The following RHOD variants were observed in gnomAD, a reference collection of about 807,000 sequenced individuals.
RHOD encodes the protein rho-related GTP-binding protein RhoD.
In RHOD, 11 loss-of-function variants were observed where a neutral mutation model predicts 16.7. The ratio of observed to expected loss-of-function variants is 0.66; its 90% CI spans 0.41 to 1.09. The LOEUF (loss-of-function observed/expected upper bound fraction) is 1.09. Among genes scored for constraint, RHOD ranks in the 50% least tolerant of loss-of-function variants. The pLI, the probability that RHOD is intolerant of heterozygous loss-of-function variation, is 0.00. For synonymous variants in RHOD, 124 were observed against 126.3 expected (o/e 0.98, Z 0.12); for missense variants, 271 against 291.7 (o/e 0.93, Z 0.52).
intron 4 of RHOD, 110 bp from the exon 5 acceptor site, chr11:67,071,325 A>G (rs534208716): frequency 3.8e-6 from 4 of 1,063,060 alleles, no homozygotes; most frequent in South Asian, 1.9e-5. Flanking sequence ...TACGGGAGCC[A>G]TGGGTGCTCC....
At chr11:67,071,128 T>C (rs532586662) in intron 4 of RHOD, among the ~76,000 whole-genome samples, 1 of 152,140 alleles carries the variant, frequency 6.6e-6, no homozygotes, top group South Asian at 2.1e-4. Context: ...TCCTAGCTAC[T>C]CTGGAGGCAG....
chr11:67,066,790 C>T lies in RHOD; in HGVS notation c.273C>T (p.Val91=). The change falls in exon 3 of 5, where the codon GTC becomes GTT. Residue 91 remains valine, a synonymous_variant. Coordinates refer to ENST00000308831, the MANE Select transcript of RHOD (RefSeq NM_014578.4). ...CCCTGTTCTACCCTGACGCCAGCGT[C>T]CTGCTGCTTTGCTTCGATGTCACCA... ...LRPLFYPDAS[V]LLLCFDVTSP... is the part of the protein sequence containing the mutation. 1 of 1,614,136 alleles carries T rather than the reference C, an allele frequency of 6.2e-7. No homozygotes were observed. Among genetic ancestry groups the T allele is most frequent in the East Asian group, 2.2e-5 (1 of 44,872 alleles).
chr11:67,070,197 A>AGT (rs1252662379), intron 3 of RHOD: 8 of 622,656 alleles, frequency 1.3e-5, no homozygotes, highest in Non-Finnish European at 2.4e-5. Context: ...GCACCTGTAC[A>AGT]GTGGGATTGG....
Position 67,071,847 on chromosome 11 carries a change from C to G in RHOD, c.*245C>G. 2 of 437,616 alleles carry G rather than the reference C, an allele frequency of 4.6e-6. No individual in the cohort carries two copies. Among genetic ancestry groups the G allele is most frequent in the Non-Finnish European group, 8.0e-6 (2 of 249,548 alleles). The allele number at this position is 437,616 out of a possible 1,614,324, so 27.1% of individuals were successfully genotyped here. A position where few individuals can be genotyped will look rare whatever the true frequency, so the allele number is the denominator to read the frequency against. ...TCACTCGCTAACCCCTATGCCCGGT[C>G]CCGGACCGACATCCTGGAGCCGCCT... On this transcript the variant is annotated 3_prime_UTR_variant, in exon 5 of 5. Coordinates refer to ENST00000308831, the MANE Select transcript of RHOD (RefSeq NM_014578.4).
chr11:67,066,105 G>A (rs958047962), intron 2 of RHOD, 122 bp downstream of exon 2: 2 of 800,270 alleles, frequency 2.5e-6, no homozygotes, highest in South Asian at 1.7e-5. Context: ...GGACAGGTGT[G>A]GGCCAGGAGT....
At chr11:67,065,407 G>A (rs748663359) in intron 1 of RHOD, among the ~76,000 whole-genome samples, 1 of 152,050 alleles carries the variant, frequency 6.6e-6, no homozygotes, top group Non-Finnish European at 1.5e-5. Context: ...TTGAGACAGA[G>A]TCTTGCTCTG....
chr11:67,070,597 T>C (rs772811627), intron 4 of RHOD, 38 bp downstream of exon 4: 2 of 1,611,806 alleles, frequency 1.2e-6, no homozygotes, highest in Non-Finnish European at 1.7e-6. Context: ...TGGGGAGGAC[T>C]GAGTGAGGGG....
At chr11:67,065,575 G>T (rs1054824513) in intron 1 of RHOD, among the ~76,000 whole-genome samples, 2 of 152,058 alleles carry the variant, frequency 1.3e-5, no homozygotes, top group African/African-American at 2.4e-5. Context: ...CACCATGTTG[G>T]CCAGGCTGGT....
intron 3 of RHOD, among the ~76,000 whole-genome samples, chr11:67,067,586 C>T (rs1400819291): frequency 2.6e-5 from 4 of 152,158 alleles, no homozygotes; most frequent in Admixed American, 6.6e-5. Flanking sequence ...CAGGCTGCTC[C>T]GCCCATTCAT....
At chr11:67,060,534 G>A (rs1231063542) in intron 1 of RHOD, among the ~76,000 whole-genome samples, 5 of 152,218 alleles carry the variant, frequency 3.3e-5, no homozygotes, top group Non-Finnish European at 5.9e-5. Flanking sequence ...GCCCCTTTCT[G>A]TCTCCGGGAA....
intron 1 of RHOD, among the ~76,000 whole-genome samples, chr11:67,064,322 C>T (rs532450691): frequency 3.4e-5 from 5 of 146,408 alleles, no homozygotes; most frequent in Admixed American, 2.1e-4. Flanking sequence ...AGGAGAATGG[C>T]GTGAACCTGG....
chr11:67,064,147 C>G (rs1361595679), intron 1 of RHOD, among the ~76,000 whole-genome samples: 3 of 144,304 alleles, frequency 2.1e-5, no homozygotes, highest in Non-Finnish European at 3.0e-5. Flanking sequence ...TGGCTCACGC[C>G]TGTAATCCCA....
intron 1 of RHOD, 119 bp from the exon 2 acceptor site, chr11:67,065,777 T>A: frequency 4.6e-6 from 3 of 654,130 alleles, no homozygotes; most frequent in Non-Finnish European, 8.0e-6. Context: ...AGGAGGAGGC[T>A]TCTCACAAAC....
rs538019187 is a variant in RHOD at position 67,058,375 on chromosome 11, G to A, written c.132+1341G>A. Among the ~76,000 whole-genome samples, 26 of 152,204 alleles carry A rather than the reference G, an allele frequency of 1.7e-4. No individual in the cohort carries two copies. The South Asian group carries it at 2.7e-3, about 16-fold the overall frequency. ...ATATTTTTAGTAGAGACAGGGTTTC[G>A]CCATGTTGGCCAGAATGGTCTCGAT... On this transcript the variant is annotated intron_variant, in intron 1 of 4. Transcript: ENST00000308831.
At chr11:67,065,069 C>T (rs1040595005) in intron 1 of RHOD, among the ~76,000 whole-genome samples, 4 of 150,668 alleles carry the variant, frequency 2.7e-5, no homozygotes, top group Admixed American at 1.3e-4. Context: ...AGCGGCACTG[C>T]GGTAGGGACT....
chr11:67,062,410 G>A (rs1219814713), intron 1 of RHOD, among the ~76,000 whole-genome samples: 2 of 152,232 alleles, frequency 1.3e-5, no homozygotes, highest in African/African-American at 4.8e-5. Context: ...CCTGGCAAAG[G>A]CAAAGGGCCT....
chr11:67,065,924 AC>A lies in RHOD; in HGVS notation c.162del (p.Tyr54Ter), dbSNP rs763127198. On this transcript the variant is annotated frameshift_variant, in exon 2 of 5. Coordinates refer to ENST00000308831, the MANE Select transcript of RHOD (RefSeq NM_014578.4). LOFTEE classifies it high-confidence loss of function. ...TACACCCCCACGGTGTTTGAGCGGT[AC>A]ATGGTCAACCTGCAAGTGAAAGGCA... ...ESYTPTVFER[Y>X]MVNLQVKGKP... 1 of 1,612,122 alleles carries A rather than the reference AC, an allele frequency of 6.2e-7. No homozygotes were observed. Among genetic ancestry groups the A allele is most frequent in the Non-Finnish European group, 8.5e-7 (1 of 1,178,868 alleles).
chr11:67,070,850 G>A (rs542474546), intron 4 of RHOD, among the ~76,000 whole-genome samples: 5 of 152,292 alleles, frequency 3.3e-5, no homozygotes, highest in South Asian at 2.1e-4. Flanking sequence ...TATTCAGACC[G>A]TGGGTCCCTC....
At chr11:67,061,658 C>T (rs1854888317) in intron 1 of RHOD, among the ~76,000 whole-genome samples, 3 of 146,196 alleles carry the variant, frequency 2.1e-5, no homozygotes, top group Admixed American at 1.4e-4. Flanking sequence ...AAATCAAACC[C>T]GGGAGGCGGA....
Sources: gnomAD v4.1 joint callset for allele counts (sites outside exome capture counted in the v4.1 genomes callset) on GRCh38, gnomAD v4.1.1 for gene constraint, MANE v1.5 for transcripts, NCBI Gene and HGNC (gene_info 2026-07-23, HGNC 2026-07-21) for gene names.